Variants in CCDC171 observed in about 807,000 individuals in gnomAD.
CCDC171 encodes coiled-coil domain-containing protein 171.
In CCDC171, 177 loss-of-function variants were observed where a neutral mutation model predicts 168.2. The observed-to-expected ratio is 1.05, with a 90% CI of 0.93 to 1.19. The LOEUF (loss-of-function observed/expected upper bound fraction) is 1.19, where lower values mean the gene tolerates loss of function less well. Among genes scored for constraint, CCDC171 ranks in the 50% most tolerant of loss-of-function variants. The probability of loss-of-function intolerance (pLI) is 0.00; values close to 1 mark genes in which losing one functional copy is unlikely to be tolerated. For missense variants in CCDC171, 1,991 were observed against 1,539.0 expected, an observed-to-expected ratio of 1.29 and a Z score of -4.91; for synonymous variants, 687 against 540.8, an observed-to-expected ratio of 1.27 and a Z score of -3.75.
intron 25 of CCDC171, among the ~76,000 whole-genome samples, chr9:15,963,671 A>G (rs1286964815): frequency 1.3e-5 from 2 of 152,174 alleles, no homozygotes; most frequent in Non-Finnish European, 2.9e-5. Context: ...TTACTTATGA[A>G]TTAAGTTTAG....
chr9:15,634,238 T>A (rs1228472913), intron 7 of CCDC171, among the ~76,000 whole-genome samples: 1 of 152,174 alleles, frequency 6.6e-6, no homozygotes, highest in Non-Finnish European at 1.5e-5. Flanking sequence ...TAAATTTTTT[T>A]TAACTTTTAA....
At position 16,015,377 on chromosome 9, in the gene CCDC171, G is replaced by A. The variant is rs1832983816; in HGVS notation, n.369-5212G>A. Reference sequence around the variant, plus strand: ...GGATTAGCCTTTGGCTTAAGAGACTGTTGTGGCTGGTTTAGTCTTCTATGC... The same window carrying A: ...GGATTAGCCTTTGGCTTAAGAGACTATTGTGGCTGGTTTAGTCTTCTATGC... On this transcript the variant is annotated intron_variant and non_coding_transcript_variant, in intron 3 of 9. Coordinates refer to the CCDC171 transcript ENST00000486641. Among the ~76,000 whole-genome samples the A allele has an allele frequency of 2.0e-5, 3 of 152,158 alleles. No individual in the cohort carries two copies. The South Asian group carries it at 6.2e-4, about 31-fold the overall frequency.
chr9:15,590,839 CT>C (rs1236037013), intron 4 of CCDC171, among the ~76,000 whole-genome samples: 33 of 91,138 alleles, frequency 3.6e-4, no homozygotes, highest in African/African-American at 5.0e-4. Flanking sequence ...CTTTCTTCTT[CT>C]TTCTTTCTTT....
At chr9:15,599,223 G>T (rs1020861694) in intron 6 of CCDC171, among the ~76,000 whole-genome samples, 5 of 152,144 alleles carry the variant, frequency 3.3e-5, no homozygotes, top group African/African-American at 1.2e-4. Context: ...CTCATTAGTT[G>T]ATGCAGTTTC....
chr9:15,651,401 G>T (rs1379536151), intron 7 of CCDC171, among the ~76,000 whole-genome samples: 1 of 151,566 alleles, frequency 6.6e-6, no homozygotes, highest in African/African-American at 2.4e-5. Flanking sequence ...GAGCCACCGT[G>T]CCTGGCCTAT....
intron 6 of CCDC171, among the ~76,000 whole-genome samples, chr9:15,620,177 G>A (rs80125308): frequency 1.3e-3 from 203 of 152,260 alleles, no homozygotes; most frequent in Non-Finnish European, 2.2e-3. Context: ...GAAGAATTTT[G>A]ACTTTCAAGT....
At chr9:15,812,493 C>T (rs971381058) in intron 21 of CCDC171, among the ~76,000 whole-genome samples, 1 of 152,042 alleles carries the variant, frequency 6.6e-6, no homozygotes, top group Non-Finnish European at 1.5e-5. Flanking sequence ...GTCTTTTAAC[C>T]TTAAACAAAA....
At chr9:16,047,150 G>T (rs1202723884) in intron 1 of CCDC171, among the ~76,000 whole-genome samples, 1 of 152,186 alleles carries the variant, frequency 6.6e-6, no homozygotes, top group Non-Finnish European at 1.5e-5. Flanking sequence ...CTGATCTCCA[G>T]CTCAGACCCT....
chr9:16,018,277 T>C lies in CCDC171; in HGVS notation n.369-2312T>C, dbSNP rs1833080999. Among the ~76,000 whole-genome samples the C allele has an allele frequency of 2.0e-5, 3 of 152,284 alleles. No individual in the cohort carries two copies. In the South Asian group the frequency reaches 6.2e-4, roughly 32 times the overall value. Reference sequence around the variant, plus strand: ...AGATATATTATTTCTAAGAAGCATATAGCATTATCCTTAGCAAAACTGGAG... The same window carrying C: ...AGATATATTATTTCTAAGAAGCATACAGCATTATCCTTAGCAAAACTGGAG... On this transcript the variant is annotated intron_variant and non_coding_transcript_variant, in intron 3 of 9. Coordinates refer to the CCDC171 transcript ENST00000486641.
intron 25 of CCDC171, among the ~76,000 whole-genome samples, chr9:15,931,575 CTT>C (rs977310539): frequency 1.4e-5 from 2 of 145,658 alleles, no homozygotes; most frequent in African/African-American, 5.0e-5. Flanking sequence ...TAGGTTGTCT[CTT>C]TACTCTGTCC....
chr9:15,697,043 C>T (rs2051272080), intron 11 of CCDC171, among the ~76,000 whole-genome samples: 1 of 152,150 alleles, frequency 6.6e-6, no homozygotes, highest in Non-Finnish European at 1.5e-5. Context: ...TGCTGTGTGC[C>T]TTGGGAGGCT....
chr9:15,697,075 C>CT lies in CCDC171; in HGVS notation c.1318+1741dup, dbSNP rs764246232. ...GGCTGCCTTCTGTGGATCTGGGCTC[C>CT]TTTACCTTCTGGCTTCTGGTTAGGT... On this transcript the variant is annotated intron_variant, in intron 11 of 25. Transcript: ENST00000380701. 2.0e-5 allele frequency among the ~76,000 whole-genome samples: 3 copies of CT among 152,170 alleles called. No homozygotes were observed. The East Asian group carries it at 5.8e-4, about 29-fold the overall frequency.
chr9:15,812,292 G>A (rs1377762352), intron 21 of CCDC171, among the ~76,000 whole-genome samples: 1 of 152,174 alleles, frequency 6.6e-6, no homozygotes, highest in African/African-American at 2.4e-5. Flanking sequence ...CACATGCTAT[G>A]CCTATTGCAC....
At chr9:15,612,985 T>A (rs1445047133) in intron 6 of CCDC171, among the ~76,000 whole-genome samples, 3 of 152,220 alleles carry the variant, frequency 2.0e-5, no homozygotes, top group South Asian at 4.1e-4. Flanking sequence ...CTATTTGAGA[T>A]TTATTAAATG....
At chr9:15,925,115 A>G (rs1825751750) in intron 25 of CCDC171, among the ~76,000 whole-genome samples, 1 of 151,638 alleles carries the variant, frequency 6.6e-6, no homozygotes, top group Non-Finnish European at 1.5e-5. Flanking sequence ...TAAAATCTAG[A>G]AGTGGAATTA....
intron 6 of CCDC171, among the ~76,000 whole-genome samples, chr9:15,597,975 T>C (rs2042510011): frequency 6.6e-6 from 1 of 152,204 alleles, no homozygotes; most frequent in Non-Finnish European, 1.5e-5. Context: ...TGTATTTTTG[T>C]GGGATCGGTG....
chr9:15,793,276 A>G (rs1270363062), intron 21 of CCDC171, among the ~76,000 whole-genome samples: 8 of 152,006 alleles, frequency 5.3e-5, no homozygotes, highest in Non-Finnish European at 1.2e-4. Flanking sequence ...AGAGCTAACT[A>G]TCCTAAATAT....
intron 6 of CCDC171, among the ~76,000 whole-genome samples, chr9:15,620,451 A>G (rs1388818902): frequency 2.0e-5 from 3 of 152,164 alleles, no homozygotes; most frequent in African/African-American, 7.2e-5. Flanking sequence ...GTAGGTTAGA[A>G]ATAGCAAGAT....
At chr9:15,959,933 A>G (rs1349648022) in intron 25 of CCDC171, among the ~76,000 whole-genome samples, 1 of 152,158 alleles carries the variant, frequency 6.6e-6, no homozygotes, top group East Asian at 1.9e-4. Context: ...AAGGATGGGC[A>G]CCCCAAATTT....
Sources: gnomAD v4.1 joint callset for allele counts (sites outside exome capture counted in the v4.1 genomes callset) on GRCh38, gnomAD v4.1.1 for gene constraint, MANE v1.5 for transcripts, NCBI Gene and HGNC (gene_info 2026-07-23, HGNC 2026-07-21) for gene names.